The following HS1BP3 variants were observed in gnomAD, a reference collection of about 807,000 sequenced individuals.
HS1BP3 encodes the protein HCLS1-binding protein 3.
In HS1BP3, 32 loss-of-function variants were observed where a neutral mutation model predicts 33.5. The ratio of observed to expected loss-of-function variants is 0.95; its 90% CI spans 0.72 to 1.28. HS1BP3 has a LOEUF of 1.28. HS1BP3 is among the 50% of genes most tolerant of loss of function. The probability of loss-of-function intolerance (pLI) is 0.00; values close to 1 mark genes in which losing one functional copy is unlikely to be tolerated. For synonymous variants in HS1BP3, 187 were observed against 209.2 expected, an observed-to-expected ratio of 0.89 and a Z score of 0.92; for missense variants, 486 against 502.3, an observed-to-expected ratio of 0.97 and a Z score of 0.31.
chr2:20,586,192 T>A (rs994124609), intron 5 of HS1BP3: 2 of 152,126 alleles, frequency 1.3e-5, no homozygotes, highest in Non-Finnish European at 2.9e-5. Flanking sequence ...TTTGAGGGGG[T>A]CTGATGCCCG....
At chr2:20,576,583 G>A (rs965987935) in intron 5 of HS1BP3, among the ~76,000 whole-genome samples, 2 of 152,210 alleles carry the variant, frequency 1.3e-5, no homozygotes, top group Non-Finnish European at 2.9e-5. Flanking sequence ...CTCTAAAGTG[G>A]GAACAGGATC....
At chr2:20,647,301 T>G (rs955823123) in intron 1 of HS1BP3, among the ~76,000 whole-genome samples, 1 of 152,174 alleles carries the variant, frequency 6.6e-6, no homozygotes, top group South Asian at 2.1e-4. Context: ...TCCCCTGACT[T>G]CTTACCCAGA....
In HS1BP3 at chr2:20,618,689, T is replaced by C. The variant is rs1326070375; in HGVS notation, c.*298A>G. ...ACATGTCTTGCTTCATCCTTGGGGC[T>C]GGGCTTCTGGTTGGCAAGGCATCCC... On this transcript the variant is annotated 3_prime_UTR_variant, in exon 7 of 7. Transcript: ENST00000304031. 2.3e-5 allele frequency: 29 copies of C among 1,238,748 alleles called. No individual in the cohort carries two copies. Among genetic ancestry groups the C allele is most frequent in the Non-Finnish European group, 2.9e-5 (29 of 986,808 alleles). 76.7% of individuals were successfully genotyped at this position (1,238,748 alleles called of 1,614,324 possible). A position where few individuals can be genotyped will look rare whatever the true frequency, so the allele number is the denominator to read the frequency against.
intron 1 of HS1BP3, among the ~76,000 whole-genome samples, chr2:20,645,794 G>A (rs761575489): frequency 1.3e-5 from 2 of 152,342 alleles, no homozygotes; most frequent in African/African-American, 2.4e-5. Flanking sequence ...GAAAGGGATC[G>A]ACACAAACTC....
chr2:20,622,190 C>T, intron 6 of HS1BP3: 1 of 1,292,198 alleles, frequency 7.7e-7, no homozygotes, highest in Admixed American at 2.4e-5. Context: ...GAATGAATGG[C>T]TATCAGAACA....
chr2:20,596,315 T>C (rs188803318), intron 3 of HS1BP3, among the ~76,000 whole-genome samples: 1 of 152,230 alleles, frequency 6.6e-6, no homozygotes, highest in African/African-American at 2.4e-5. Flanking sequence ...AATATTTGTG[T>C]TCCTCCAAGA....
chr2:20,568,407 C>T (rs979087999), intron 5 of HS1BP3, among the ~76,000 whole-genome samples: 2 of 152,068 alleles, frequency 1.3e-5, no homozygotes, highest in Non-Finnish European at 2.9e-5. Context: ...GAGCTGGAGC[C>T]GGGCGGGTAA....
chr2:20,627,773 G>A (rs1407127805), intron 4 of HS1BP3, among the ~76,000 whole-genome samples: 3 of 152,276 alleles, frequency 2.0e-5, no homozygotes, highest in East Asian at 1.9e-4. Flanking sequence ...GAAGAAGCAG[G>A]AAATATGGAG....
At chr2:20,580,664 G>A (rs1338650853) in intron 5 of HS1BP3, among the ~76,000 whole-genome samples, 3 of 152,236 alleles carry the variant, frequency 2.0e-5, no homozygotes, top group East Asian at 3.9e-4. Flanking sequence ...TGTCAACCTC[G>A]CTAGTTATCA....
chr2:20,625,859 G>A (rs1287630658), intron 4 of HS1BP3, among the ~76,000 whole-genome samples: 2 of 152,208 alleles, frequency 1.3e-5, no homozygotes, highest in Non-Finnish European at 2.9e-5. Context: ...ATCTGTGTAC[G>A]TCACTGTAAG....
At chr2:20,601,690 G>A (rs1037266353) in intron 2 of HS1BP3, among the ~76,000 whole-genome samples, 1 of 151,268 alleles carries the variant, frequency 6.6e-6, no homozygotes, top group Non-Finnish European at 1.5e-5. Flanking sequence ...CCATGATTGT[G>A]AGGCCTCCCC....
chr2:20,558,472 A>T (rs1348918087), downstream of HS1BP3, among the ~76,000 whole-genome samples: 1 of 152,174 alleles, frequency 6.6e-6, no homozygotes, highest in Non-Finnish European at 1.5e-5. Flanking sequence ...CCTCCGTCTC[A>T]GTTCTGGGCT....
chr2:20,588,466 C>A (rs1179875179), downstream of HS1BP3, among the ~76,000 whole-genome samples: 6 of 152,200 alleles, frequency 3.9e-5, no homozygotes. Context: ...CGGGCACCAG[C>A]CACCACGCCT....
At chr2:20,589,469 CT>C (rs149445739), downstream of HS1BP3, among the ~76,000 whole-genome samples, 2,925 of 152,282 alleles carry the variant, frequency 0.019, 103 homozygotes, top group African/African-American at 0.067. Flanking sequence ...TAGGTGGGCA[CT>C]GCTAGAGGCT....
chr2:20,622,099 G>A (rs957341291), intron 6 of HS1BP3: 6 of 920,156 alleles, frequency 6.5e-6, no homozygotes, highest in Non-Finnish European at 8.5e-6. Context: ...TCTTAGCCTC[G>A]ACCCGCTCAG....
intron 2 of HS1BP3, among the ~76,000 whole-genome samples, chr2:20,605,997 A>G (rs1182522604): frequency 1.3e-5 from 2 of 152,040 alleles, no homozygotes; most frequent in East Asian, 1.9e-4. Context: ...CAGTAATTCT[A>G]TTTTACTTCT....
At chr2:20,557,599 T>A (rs546421082), downstream of HS1BP3, among the ~76,000 whole-genome samples, 1 of 152,336 alleles carries the variant, frequency 6.6e-6, no homozygotes, top group South Asian at 2.1e-4. Context: ...CCATCCTTTA[T>A]CTACTATCAG....
At chr2:20,629,027 G>A (rs1164573048) in intron 4 of HS1BP3, among the ~76,000 whole-genome samples, 1 of 152,162 alleles carries the variant, frequency 6.6e-6, no homozygotes, top group Non-Finnish European at 1.5e-5. Flanking sequence ...GTGGTGCGAG[G>A]GGAAGACAGG....
chr2:20,646,486 T>TCA (rs1474421376), intron 1 of HS1BP3, among the ~76,000 whole-genome samples: 1 of 152,232 alleles, frequency 6.6e-6, no homozygotes, highest in Non-Finnish European at 1.5e-5. Context: ...GGCCACGCTG[T>TCA]CACCAGCACA....
Sources: allele counts gnomAD v4.1 joint callset (sites outside exome capture counted in the v4.1 genomes callset), GRCh38; gene constraint gnomAD v4.1.1; transcripts MANE v1.5; gene names NCBI Gene and HGNC (gene_info 2026-07-23, HGNC 2026-07-21).